KIF12: variants seen among roughly 807,000 people sequenced by gnomAD.
The protein encoded by KIF12 is kinesin-like protein KIF12.
Under a neutral mutation model 87.9 loss-of-function variants are expected in KIF12, and 80 were observed. The ratio of observed to expected loss-of-function variants is 0.91; its 90% CI spans 0.76 to 1.10. The LOEUF is 1.10. Ranked by LOEUF, KIF12 falls within the 50% of genes least tolerant of loss-of-function variation. The pLI is 0.00. For synonymous variants in KIF12, 353 were observed against 348.5 expected (o/e 1.01, Z -0.14); for missense variants, 819 against 865.3 (o/e 0.95, Z 0.67).
At position 114,091,834 on chromosome 9, in the gene KIF12, G is replaced by A. The variant is rs767561923; in HGVS notation, c.*27C>T. ...GTGGAGCCCAGTCTGAGGTCACACA[G>A]CAGTCTCCTGGGTTCCCACTTGGCC... On this transcript the variant is annotated 3_prime_UTR_variant, in exon 19 of 19. Coordinates refer to ENST00000640217, the MANE Select transcript of KIF12 (RefSeq NM_001388308.1). 7.0e-6 allele frequency: 11 copies of A among 1,571,164 alleles called. No individual in the cohort carries two copies. In the Admixed American group the frequency reaches 2.0e-4, roughly 28 times the overall value.
In KIF12 at chr9:114,091,738, C is replaced by A; in HGVS notation, c.*123G>T. The A allele has an allele frequency of 9.2e-7, 1 of 1,088,176 alleles. No homozygotes were observed. The highest frequency in any genetic ancestry group is 1.3e-6 in the Non-Finnish European group (1 of 779,712). 67.4% of individuals were successfully genotyped at this position (1,088,176 alleles called of 1,614,324 possible). On this transcript the variant is annotated 3_prime_UTR_variant, in exon 19 of 19. Transcript: ENST00000640217. ...TAAATAGCACCCCCAGTCCCCGCCC[C>A]TAGCCCAGCTGCAGGTGGAGTAGCA...
Position 114,095,340 on chromosome 9 carries a change from G to A in KIF12, c.896-8C>T, listed in dbSNP as rs759863278. On this transcript the variant is annotated splice_region_variant and splice_polypyrimidine_tract_variant and intron_variant, in intron 9 of 18. Transcript: ENST00000640217. ...GCAGGGAGATGCAGTGACCTGGGGA[G>A]GGAGAGCAAGAGTTAGGAAGGTTAC... 6.2e-7 allele frequency: 1 copy of A among 1,611,642 alleles called. No homozygotes were observed. Among genetic ancestry groups the A allele is most frequent in the Non-Finnish European group, 8.5e-7 (1 of 1,179,556 alleles).
intron 7 of KIF12, among the ~76,000 whole-genome samples, chr9:114,097,090 G>C (rs1847262353): frequency 6.6e-6 from 1 of 152,200 alleles, no homozygotes; most frequent in Non-Finnish European, 1.5e-5. Context: ...GGGTGTGAAA[G>C]GAGTTTGGAA....
At chr9:114,099,203 C>T in intron 1 of KIF12, 34 bp from the exon 2 acceptor site, 1 of 1,551,100 alleles carries the variant, frequency 6.4e-7, no homozygotes. Flanking sequence ...CATACCTGCA[C>T]CTAGCGGCTG....
chr9:114,097,507 A>T, intron 6 of KIF12, 71 bp from the exon 7 acceptor site: 2 of 1,582,166 alleles, frequency 1.3e-6, no homozygotes, highest in South Asian at 1.2e-5. Context: ...TCTTACTGAC[A>T]ACAGTCCCCA....
In KIF12 at chr9:114,098,401, A is replaced by G. The variant is rs1012012576; in HGVS notation, c.200T>C (p.Val67Ala). The G allele has an allele frequency of 2.0e-6, 3 of 1,511,264 alleles. No individual in the cohort carries two copies. Among genetic ancestry groups the G allele is most frequent in the African/African-American group, 1.4e-5 (1 of 69,116 alleles). 93.6% of individuals were successfully genotyped at this position (1,511,264 alleles called of 1,614,324 possible). A position where few individuals can be genotyped will look rare whatever the true frequency, so the allele number is the denominator to read the frequency against. The change falls in exon 4 of 19, where the codon GTG becomes GCG. Residue 67 changes from valine to alanine, a missense_variant. Coordinates refer to ENST00000640217, the MANE Select transcript of KIF12 (RefSeq NM_001388308.1). ...TAGCACCGCACCGAAGCGGAACGCC[A>G]CTTCTGGACCCCCGCCTGGAGGACT... The part of the protein sequence containing the change: ...QVSPPGGGPE[V>A]AFRFGAVLDA...
At position 114,093,891 on chromosome 9, in the gene KIF12, T is replaced by C; in HGVS notation, c.1395A>G (p.Leu465=). The C allele has an allele frequency of 6.2e-7, 1 of 1,613,794 alleles. No individual in the cohort carries two copies. The part of the protein sequence containing the change: ...QRILAQQVHA[L]ERRLLSACYH... ...AAGCTGGTGGCTCTGCTTACCTCTC[T>C]AGTGCATGGACCTGCTGGGCCAGGA... Residue 465 remains leucine, a synonymous_variant, in exon 14 of 19, where the codon CTA becomes CTG. Transcript: ENST00000640217.
chr9:114,093,195 A>G, intron 16 of KIF12, 34 bp downstream of exon 16: 2 of 1,511,908 alleles, frequency 1.3e-6, no homozygotes, highest in South Asian at 2.4e-5. Context: ...CAGTTCTCCC[A>G]GCCTTCCCTC....
At chr9:114,096,294 AC>A (rs1343093045) in intron 8 of KIF12, 87 bp from the exon 9 acceptor site, 3 of 1,597,720 alleles carry the variant, frequency 1.9e-6, no homozygotes, top group African/African-American at 2.7e-5. Flanking sequence ...TCCATTATTA[AC>A]CCCCATGCAC....
chr9:114,098,851 G>A, intron 3 of KIF12, 84 bp downstream of exon 3: 3 of 1,460,520 alleles, frequency 2.1e-6, no homozygotes, highest in Non-Finnish European at 2.8e-6. Context: ...GGGGAGCGCG[G>A]GGCCTAGGGC....
Position 114,094,468 on chromosome 9 carries a change from A to G in KIF12, c.1120-13T>C. On this transcript the variant is annotated splice_polypyrimidine_tract_variant and intron_variant, in intron 11 of 18. Coordinates refer to ENST00000640217, the MANE Select transcript of KIF12 (RefSeq NM_001388308.1). Reference sequence around the variant, plus strand: ...TTGCCACAGGAGACTGTAGGGAAAGAGGCCCAGAGCCACCTTTATGGTTGT... The same window carrying G: ...TTGCCACAGGAGACTGTAGGGAAAGGGGCCCAGAGCCACCTTTATGGTTGT... 1.3e-6 allele frequency: 2 copies of G among 1,539,930 alleles called. No individual in the cohort carries two copies. Among genetic ancestry groups the G allele is most frequent in the Non-Finnish European group, 9.0e-7 (1 of 1,115,714 alleles).
At position 114,098,190 on chromosome 9, in the gene KIF12, A is replaced by T; in HGVS notation, c.300T>A (p.Gly100=). ...VRRLGELALR[G]FSCTVFTFGQ... ...CAAAGGTGAAAACAGTGCAGGAGAAACTGCGGGCGGCAAGGGCGTGGCTGG... is the reference window on the plus strand; with the variant it reads ...CAAAGGTGAAAACAGTGCAGGAGAATCTGCGGGCGGCAAGGGCGTGGCTGG... The change falls in exon 5 of 19, where the codon GGT becomes GGA. Residue 100 remains glycine, a splice_region_variant and synonymous_variant. Transcript: ENST00000640217. The T allele has an allele frequency of 1.3e-6, 2 of 1,543,672 alleles. No homozygotes were observed. Among genetic ancestry groups the T allele is most frequent in the South Asian group, 2.4e-5 (2 of 83,254 alleles).
At position 114,093,480 on chromosome 9, in the gene KIF12, C is replaced by T; in HGVS notation, c.1418G>A (p.Cys473Tyr). The T allele has an allele frequency of 3.8e-6, 6 of 1,561,112 alleles. No individual in the cohort carries two copies. The highest frequency in any genetic ancestry group is 5.2e-6 in the Non-Finnish European group (6 of 1,152,118). ...HALERRLLSA[C>Y]YHHQQGPGLT... Reference sequence around the variant, plus strand: ...GCCAGGACCCTGCTGGTGATGGTAGCAGGCAGAGAGGAGACGCCTAGAAAG... The same window carrying T: ...GCCAGGACCCTGCTGGTGATGGTAGTAGGCAGAGAGGAGACGCCTAGAAAG... The change falls in exon 15 of 19, where the codon TGC becomes TAC. Residue 473 changes from cysteine (C) to tyrosine (Y), a missense_variant. Coordinates refer to ENST00000640217, the MANE Select transcript of KIF12 (RefSeq NM_001388308.1).
intron 14 of KIF12, 28 bp from the exon 15 acceptor site, chr9:114,093,525 G>A (rs1254961630): frequency 2.0e-6 from 3 of 1,520,600 alleles, no homozygotes; most frequent in Admixed American, 2.0e-5. Context: ...GTCTATGCCT[G>A]CAGCCTCCAA....
intron 5 of KIF12, 129 bp from the exon 6 acceptor site, chr9:114,097,870 G>A: frequency 8.8e-7 from 1 of 1,139,658 alleles, no homozygotes; most frequent in Non-Finnish European, 1.2e-6. Flanking sequence ...TTCATAGTCG[G>A]TACTGTCACT....
intron 18 of KIF12, 92 bp from the exon 19 acceptor site, chr9:114,092,092 G>C: frequency 6.7e-7 from 1 of 1,488,350 alleles, no homozygotes; most frequent in East Asian, 2.5e-5. Flanking sequence ...AGAAGCCTCA[G>C]GGGGTAGGTA....
chr9:114,093,413 AG>A lies in KIF12; in HGVS notation c.1484del (p.Pro495LeufsTer87). On this transcript the variant is annotated frameshift_variant, in exon 15 of 19. Transcript: ENST00000640217. LOFTEE classifies it high-confidence loss of function. ...PCPCLMAPAP[P>X]CHALPPLYSC... ...GCTGGGCCGTGAGACTCACATGGCA[AG>A]GGGGAGCTGGGGCCATCAAGCAGGG... The A allele has an allele frequency of 1.3e-6, 2 of 1,566,030 alleles. No individual in the cohort carries two copies. The highest frequency in any genetic ancestry group is 1.7e-6 in the Non-Finnish European group (2 of 1,154,852).
chr9:114,095,805 G>A (rs1286180670), intron 9 of KIF12, among the ~76,000 whole-genome samples: 1 of 152,208 alleles, frequency 6.6e-6, no homozygotes, highest in Non-Finnish European at 1.5e-5. Flanking sequence ...CAGTTGAGTG[G>A]TTCTATTTCC....
In KIF12 at chr9:114,092,319, T is replaced by C. The variant is rs1482259804; in HGVS notation, c.1816+14A>G. The C allele has an allele frequency of 1.3e-6, 2 of 1,544,114 alleles. No individual in the cohort carries two copies. The highest frequency in any genetic ancestry group is 2.3e-5 in the East Asian group (1 of 44,036). ...AGAGAACATTAGGGGCCCCTCCCTC[T>C]CTCCCTTCTTCACCTCTGAGCCCTG... On this transcript the variant is annotated intron_variant, in intron 18 of 18. Coordinates refer to ENST00000640217, the MANE Select transcript of KIF12 (RefSeq NM_001388308.1).
Sources: gnomAD v4.1 joint callset for allele counts (sites outside exome capture counted in the v4.1 genomes callset) on GRCh38, gnomAD v4.1.1 for gene constraint, MANE v1.5 for transcripts, NCBI Gene and HGNC (gene_info 2026-07-23, HGNC 2026-07-21) for gene names.